The following BBS12 variants were observed in gnomAD, a reference collection of about 807,000 sequenced individuals.
BBS12 encodes the protein chaperonin-containing T-complex member BBS12.
BBS12 carries 5 observed loss-of-function variants against 5.6 expected under a neutral mutation model. The observed-to-expected ratio is 0.89, with a 90% CI of 0.46 to 1.86. The LOEUF (loss-of-function observed/expected upper bound fraction) is 1.86. BBS12 is among the 40% of genes most tolerant of loss of function. The pLI is 0.01. For missense variants in BBS12, 748 were observed against 830.4 expected, an observed-to-expected ratio of 0.90 and a Z score of 1.22; for synonymous variants, 308 against 306.8, an observed-to-expected ratio of 1.00 and a Z score of -0.04.
upstream of BBS12, chr4:122,730,584 C>T (rs1578482325): frequency 6.6e-6 from 1 of 152,404 alleles, no homozygotes; most frequent in South Asian, 2.1e-4. Context: ...CTCAAAACAT[C>T]TTCCTCGTTT....
At chr4:122,715,065 T>C in the BBS12 span, among the ~76,000 whole-genome samples, 6 of 151,888 alleles carry the variant, frequency 4.0e-5, no homozygotes, top group Non-Finnish European at 8.8e-5. Flanking sequence ...GACAAATTAT[T>C]CTGAGGAATA....
chr4:122,715,886 T>A, the BBS12 span, among the ~76,000 whole-genome samples: 8 of 152,246 alleles, frequency 5.3e-5, no homozygotes, highest in African/African-American at 1.7e-4. Flanking sequence ...TTTGTTTATG[T>A]CAGTTTTTCC....
At chr4:122,735,127 A>C (rs141007759) in intron 1 of BBS12, among the ~76,000 whole-genome samples, 57 of 152,316 alleles carry the variant, frequency 3.7e-4, no homozygotes, top group African/African-American at 1.3e-3. Context: ...TGGGTATAGA[A>C]AGTGCGTTGG....
Position 122,742,215 on chromosome 4 carries a change from C to G in BBS12, c.323C>G (p.Pro108Arg), listed in dbSNP as rs151344630. ...GAAGAATGTCTTCATCTTGGTGTCC[C>G]CATTTCCATAATAGTATCAGTAATG... ...AVEECLHLGV[P>R]ISIIVSVMSE... Residue 108 changes from proline (P) to arginine (R), a missense_variant, in exon 2 of 2, where the codon CCC becomes CGC. Pro to Arg is a moderately radical substitution (Grantham distance 103). Coordinates refer to ENST00000314218, the MANE Select transcript of BBS12 (RefSeq NM_152618.3). 2 of 1,613,772 alleles carry G rather than the reference C, an allele frequency of 1.2e-6. No individual in the cohort carries two copies. Among genetic ancestry groups the G allele is most frequent in the South Asian group, 2.2e-5 (2 of 91,070 alleles).
chr4:122,733,859 C>CTTTTTTTTTTTTTTTTTTTTTTTTTTTTT (rs35729794), intron 1 of BBS12: 3 of 97,132 alleles, frequency 3.1e-5, no homozygotes, highest in Non-Finnish European at 2.0e-5. Context: ...TAACTTTAGT[C>CTTTTTTTTTTTTTTTTTTTTTTTTTTTTT]TTTTTTTTTT....
the BBS12 span, among the ~76,000 whole-genome samples, chr4:122,703,866 T>C: frequency 1.3e-5 from 2 of 152,222 alleles, no homozygotes; most frequent in African/African-American, 4.8e-5. Context: ...CATTTATTTA[T>C]TGAGACAGAG....
chr4:122,734,334 C>T (rs941061155), intron 1 of BBS12, among the ~76,000 whole-genome samples: 1 of 151,964 alleles, frequency 6.6e-6, no homozygotes, highest in Non-Finnish European at 1.5e-5. Flanking sequence ...GGCTCAATCC[C>T]GGCTCACTGC....
At position 122,741,828 on chromosome 4, in the gene BBS12, A is replaced by C. The variant is rs1012609620; in HGVS notation, c.-10-55A>C. 3 of 1,450,386 alleles carry C rather than the reference A, an allele frequency of 2.1e-6. No homozygotes were observed. In the South Asian group the frequency reaches 3.6e-5, roughly 18 times the overall value. The allele number at this position is 1,450,386 out of a possible 1,614,324, so 89.8% of individuals were successfully genotyped here. A position where few individuals can be genotyped will look rare whatever the true frequency, so the allele number is the denominator to read the frequency against. On this transcript the variant is annotated intron_variant, in intron 1 of 1. Transcript: ENST00000314218. ...TATCTTGTTTTTATTTCTATATAGC[A>C]TTTATAACTATGAATTATACTGAAT...
intron 1 of BBS12, among the ~76,000 whole-genome samples, chr4:122,739,239 G>A (rs113103774): frequency 1.2e-4 from 19 of 152,338 alleles, no homozygotes; most frequent in African/African-American, 4.1e-4. Flanking sequence ...CTACCCAGTT[G>A]TTTGTGGTAA....
intron 1 of BBS12, among the ~76,000 whole-genome samples, chr4:122,733,360 C>A (rs941040541): frequency 2.7e-5 from 4 of 145,664 alleles, no homozygotes; most frequent in Admixed American, 1.4e-4. Flanking sequence ...ACTATCGGAC[C>A]CCGCCCTCCA....
At chr4:122,702,681 T>C in the BBS12 span, among the ~76,000 whole-genome samples, 1 of 152,176 alleles carries the variant, frequency 6.6e-6, no homozygotes, top group Non-Finnish European at 1.5e-5. Context: ...ATAAACCCTT[T>C]ATTCGCAAAG....
the BBS12 span, among the ~76,000 whole-genome samples, chr4:122,711,800 T>G: frequency 5.1e-4 from 77 of 152,306 alleles, 2 homozygotes; most frequent in African/African-American, 1.7e-3. Flanking sequence ...GGTGGACTTG[T>G]GTACTGCCTA....
the BBS12 span, among the ~76,000 whole-genome samples, chr4:122,722,276 C>T: frequency 2.3e-3 from 352 of 152,248 alleles, 3 homozygotes; most frequent in African/African-American, 8.1e-3. Flanking sequence ...TCCACCGGTC[C>T]ACTAGTCTAT....
chr4:122,743,049 G>T lies in BBS12; in HGVS notation c.1157G>T (p.Arg386Leu), dbSNP rs309370. The change falls in exon 2 of 2, where the codon CGG (arginine) becomes CTG (leucine). Residue 386 changes from arginine (R) to leucine (L), a missense_variant. Physicochemically the swap from Arg to Leu is moderately radical, Grantham distance 102. Coordinates refer to ENST00000314218, the MANE Select transcript of BBS12 (RefSeq NM_152618.3). ...ANIKTVLDSM[R>L]LQEDSSEELW... ...ATTAAAACAGTATTAGATAGCATGCGGCTTCAAGAAGACAGCTCAGAAGAA... is the reference window on the plus strand; with the variant it reads ...ATTAAAACAGTATTAGATAGCATGCTGCTTCAAGAAGACAGCTCAGAAGAA... 1 of 1,613,958 alleles carries T rather than the reference G, an allele frequency of 6.2e-7. No homozygotes were observed.
intron 1 of BBS12, among the ~76,000 whole-genome samples, chr4:122,733,348 T>C (rs1300971620): frequency 6.8e-6 from 1 of 146,976 alleles, no homozygotes; most frequent in Non-Finnish European, 1.5e-5. Context: ...CCACCCATAA[T>C]TACTATCGGA....
At chr4:122,708,299 G>A in the BBS12 span, among the ~76,000 whole-genome samples, 2 of 152,200 alleles carry the variant, frequency 1.3e-5, no homozygotes, top group African/African-American at 4.8e-5. Flanking sequence ...CAGAAATGGG[G>A]ATGTGTCTGA....
chr4:122,727,175 T>C, the BBS12 span, among the ~76,000 whole-genome samples: 1 of 152,236 alleles, frequency 6.6e-6, no homozygotes. Flanking sequence ...GTACAATGCA[T>C]GCAACATATA....
At chr4:122,726,412 A>G in the BBS12 span, among the ~76,000 whole-genome samples, 3 of 151,678 alleles carry the variant, frequency 2.0e-5, no homozygotes, top group African/African-American at 7.3e-5. Flanking sequence ...TAATCAAAAA[A>G]TCAAAAAATA....
the BBS12 span, among the ~76,000 whole-genome samples, chr4:122,702,067 A>T: frequency 1.7e-3 from 254 of 152,336 alleles, 4 homozygotes; most frequent in African/African-American, 5.9e-3. Flanking sequence ...CCAGGTGCCT[A>T]CAAGAAGAGG....
Sources: allele counts gnomAD v4.1 joint callset (sites outside exome capture counted in the v4.1 genomes callset), GRCh38; gene constraint gnomAD v4.1.1; transcripts MANE v1.5; gene names NCBI Gene and HGNC (gene_info 2026-07-23, HGNC 2026-07-21).